The following EAF2 variants were observed in gnomAD, a reference collection of about 807,000 sequenced individuals.
The protein encoded by EAF2 is ELL-associated factor 2.
EAF2 carries 29 observed loss-of-function variants against 29.4 expected under a neutral mutation model. The ratio of observed to expected loss-of-function variants is 0.99; its 90% CI spans 0.73 to 1.35. The LOEUF (loss-of-function observed/expected upper bound fraction) is 1.35, where lower values mean the gene tolerates loss of function less well. Among genes scored for constraint, EAF2 ranks in the 40% most tolerant of loss-of-function variants. EAF2 has a pLI of 0.00. For synonymous variants in EAF2, 103 were observed against 102.5 expected (o/e 1.00, Z -0.03); for missense variants, 292 against 312.0 (o/e 0.94, Z 0.48).
At chr3:121,879,577 T>C (rs1411019258) in intron 5 of EAF2, among the ~76,000 whole-genome samples, 1 of 151,396 alleles carries the variant, frequency 6.6e-6, no homozygotes, top group Admixed American at 6.6e-5. Context: ...TAGTGAGAAA[T>C]GGGGGTCTAG....
At chr3:121,870,418 C>T (rs1708991537) in intron 4 of EAF2, among the ~76,000 whole-genome samples, 1 of 151,912 alleles carries the variant, frequency 6.6e-6, no homozygotes, top group Non-Finnish European at 1.5e-5. Flanking sequence ...AAGCAGTAAA[C>T]AAATAAGTAT....
intron 3 of EAF2, among the ~76,000 whole-genome samples, chr3:121,856,678 G>A (rs748649674): frequency 2.0e-5 from 3 of 152,014 alleles, no homozygotes; most frequent in Non-Finnish European, 4.4e-5. Flanking sequence ...ACAGGGTCTC[G>A]TTATGTTGAC....
chr3:121,879,801 C>T (rs1229231165), intron 5 of EAF2, among the ~76,000 whole-genome samples: 3 of 151,814 alleles, frequency 2.0e-5, no homozygotes, highest in African/African-American at 4.8e-5. Flanking sequence ...CAATACCATG[C>T]TGTTTTCTTA....
At chr3:121,859,280 T>C (rs1708781676) in intron 4 of EAF2, among the ~76,000 whole-genome samples, 1 of 152,200 alleles carries the variant, frequency 6.6e-6, no homozygotes, top group South Asian at 2.1e-4. Flanking sequence ...ATTTTCACGA[T>C]ATTGACTCTT....
intron 5 of EAF2, among the ~76,000 whole-genome samples, chr3:121,873,944 G>T (rs1025206266): frequency 1.3e-5 from 2 of 151,550 alleles, no homozygotes; most frequent in Admixed American, 1.3e-4. Flanking sequence ...TATATCAATT[G>T]TTTGACAGTT....
intron 4 of EAF2, among the ~76,000 whole-genome samples, chr3:121,863,103 C>G (rs1015858231): frequency 2.2e-4 from 34 of 152,156 alleles, no homozygotes; most frequent in African/African-American, 8.2e-4. Flanking sequence ...TCAGTCAGCC[C>G]CTACTGGGAG....
chr3:121,842,421 GC>G (rs896190269), intron 1 of EAF2, among the ~76,000 whole-genome samples: 1 of 151,956 alleles, frequency 6.6e-6, no homozygotes, highest in Non-Finnish European at 1.5e-5. Flanking sequence ...ATATATCTTG[GC>G]CAACCTTTCA....
chr3:121,860,472 A>G (rs1708806436), intron 4 of EAF2, among the ~76,000 whole-genome samples: 2 of 152,170 alleles, frequency 1.3e-5, no homozygotes, highest in African/African-American at 4.8e-5. Flanking sequence ...TGTTTATAGT[A>G]TTCTCTGATG....
At chr3:121,864,800 G>C (rs1314491908) in intron 4 of EAF2, among the ~76,000 whole-genome samples, 1 of 152,060 alleles carries the variant, frequency 6.6e-6, no homozygotes, top group Non-Finnish European at 1.5e-5. Context: ...CTGGGTGACA[G>C]AGTGAGACTC....
intron 4 of EAF2, among the ~76,000 whole-genome samples, chr3:121,860,270 G>T (rs2107524908): frequency 6.6e-6 from 1 of 152,214 alleles, no homozygotes; most frequent in South Asian, 2.1e-4. Flanking sequence ...TCTACCTCTG[G>T]TAGAATTCAG....
At chr3:121,886,249 C>A in intron 5 of EAF2, 93 bp from the exon 6 acceptor site, 1 of 723,662 alleles carries the variant, frequency 1.4e-6, no homozygotes, top group Non-Finnish European at 2.1e-6. Flanking sequence ...CAGAATCACG[C>A]TTGGGGGCTA....
At position 121,844,458 on chromosome 3, in the gene EAF2, T is replaced by G. The variant is rs1392065778; in HGVS notation, c.112T>G (p.Phe38Val). The change falls in exon 2 of 6, where the codon TTC becomes GTC. Residue 38 changes from phenylalanine to valine, a missense_variant. Coordinates refer to ENST00000273668, the MANE Select transcript of EAF2 (RefSeq NM_018456.6). ...GTATTTGTATCTATTTTTAGATGAC[T>G]TCAAACCTGCTTCTATTGACACTTC... is the stretch of plus-strand genomic sequence containing the variant. ...RCAFHTVRYDFKPASIDTSSE... is the reference protein window; with the variant it reads ...RCAFHTVRYDVKPASIDTSSE... The G allele has an allele frequency of 3.1e-6, 5 of 1,606,652 alleles. No individual in the cohort carries two copies. The highest frequency in any genetic ancestry group is 4.2e-6 in the Non-Finnish European group (5 of 1,176,562).
chr3:121,878,202 A>C (rs1202454425), intron 5 of EAF2, among the ~76,000 whole-genome samples: 1 of 152,116 alleles, frequency 6.6e-6, no homozygotes, highest in Non-Finnish European at 1.5e-5. Flanking sequence ...GCTGAGAAGA[A>C]AAATAGAAAA....
chr3:121,871,962 A>G (rs961859546), intron 4 of EAF2, among the ~76,000 whole-genome samples: 7 of 151,916 alleles, frequency 4.6e-5, no homozygotes, highest in Non-Finnish European at 1.0e-4. Context: ...GAAAAATGCT[A>G]AACAAAAGAA....
chr3:121,881,906 A>G (rs528527200), intron 5 of EAF2, among the ~76,000 whole-genome samples: 2 of 152,312 alleles, frequency 1.3e-5, no homozygotes, highest in East Asian at 3.8e-4. Context: ...TCACAACCAA[A>G]TAAGGGTCAT....
At chr3:121,870,740 A>G (rs955486829) in intron 4 of EAF2, among the ~76,000 whole-genome samples, 2 of 152,170 alleles carry the variant, frequency 1.3e-5, no homozygotes, top group Non-Finnish European at 2.9e-5. Context: ...ATAAAAATGG[A>G]CAAAAGATTT....
chr3:121,876,656 T>C (rs1709101979), intron 5 of EAF2, among the ~76,000 whole-genome samples: 1 of 151,990 alleles, frequency 6.6e-6, no homozygotes, highest in South Asian at 2.1e-4. Flanking sequence ...GTTAGGAGGA[T>C]AGATACACTG....
chr3:121,873,577 A>AT (rs1262939687), intron 5 of EAF2, among the ~76,000 whole-genome samples: 2 of 151,698 alleles, frequency 1.3e-5, no homozygotes, highest in East Asian at 3.9e-4. Flanking sequence ...AGCCATATTG[A>AT]TTTTTTTCAC....
intron 1 of EAF2, among the ~76,000 whole-genome samples, chr3:121,841,684 C>T (rs539509816): frequency 1.3e-5 from 2 of 151,330 alleles, no homozygotes; most frequent in South Asian, 4.2e-4. Context: ...ACCAGCCTGA[C>T]CAACATGGTG....
Sources: gnomAD v4.1 joint callset for allele counts (sites outside exome capture counted in the v4.1 genomes callset) on GRCh38, gnomAD v4.1.1 for gene constraint, MANE v1.5 for transcripts, NCBI Gene and HGNC (gene_info 2026-07-23, HGNC 2026-07-21) for gene names.